The following USP20 variants were observed in gnomAD, a reference collection of about 807,000 sequenced individuals.
USP20 encodes ubiquitin specific peptidase 20.
USP20 carries 80 observed loss-of-function variants against 124.2 expected under a neutral mutation model. The ratio of observed to expected loss-of-function variants is 0.64; its 90% CI spans 0.54 to 0.78. The LOEUF is 0.78. USP20 is among the 30% of genes least tolerant of loss of function. The pLI is 0.00. For synonymous variants in USP20, 481 were observed against 512.3 expected, an observed-to-expected ratio of 0.94 and a Z score of 0.83; for missense variants, 1,043 against 1,244.4, an observed-to-expected ratio of 0.84 and a Z score of 2.44.
chr9:129,850,773 A>G (rs552758117), intron 2 of USP20, among the ~76,000 whole-genome samples: 1 of 152,224 alleles, frequency 6.6e-6, no homozygotes, highest in East Asian at 1.9e-4. Flanking sequence ...CTCCTGCCTC[A>G]GCCTCCTGAG....
chr9:129,871,490 G>A (rs1041298883), intron 15 of USP20, among the ~76,000 whole-genome samples: 1 of 152,146 alleles, frequency 6.6e-6, no homozygotes, highest in Non-Finnish European at 1.5e-5. Flanking sequence ...GACCATGGGT[G>A]TGCACACCTC....
At chr9:129,854,904 G>C (rs1490438780) in intron 3 of USP20, among the ~76,000 whole-genome samples, 1 of 152,160 alleles carries the variant, frequency 6.6e-6, no homozygotes, top group Non-Finnish European at 1.5e-5. Flanking sequence ...GTGACAATGA[G>C]AAGGAGGCCA....
chr9:129,873,409 A>T, intron 15 of USP20, 73 bp from the exon 16 acceptor site: 1 of 1,573,392 alleles, frequency 6.4e-7, no homozygotes, highest in South Asian at 1.1e-5. Context: ...AGCAGAAATC[A>T]TTATAGTCAC....
chr9:129,850,934 A>G (rs1321001740), intron 2 of USP20, among the ~76,000 whole-genome samples: 1 of 152,072 alleles, frequency 6.6e-6, no homozygotes, highest in African/African-American at 2.4e-5. Context: ...GATTACAGGC[A>G]TGAGCCACCG....
rs2033346961 is a variant in USP20 at position 129,858,604 on chromosome 9, C to T, written c.330+6C>T. The T allele has an allele frequency of 2.5e-6, 4 of 1,613,088 alleles. No homozygotes were observed. Among genetic ancestry groups the T allele is most frequent in the Non-Finnish European group, 3.4e-6 (4 of 1,179,648 alleles). On this transcript the variant is annotated splice_donor_region_variant and intron_variant, in intron 6 of 25. Transcript: ENST00000372429. ...CTTCCAAGTTCTCTGAACAGGTAAC[C>T]TGTGTGGTGGGCTCTGTTTGGTTGT... is the stretch of plus-strand genomic sequence containing the variant.
intron 4 of USP20, among the ~76,000 whole-genome samples, chr9:129,856,726 A>G (rs879949574): frequency 6.6e-6 from 1 of 152,074 alleles, no homozygotes; most frequent in Non-Finnish European, 1.5e-5. Context: ...GGCCAGTCTC[A>G]TTTTTTCCCT....
Position 129,869,757 on chromosome 9 carries a change from A to C in USP20, c.1478A>C (p.Tyr493Ser). ...EDLAKLHSAIYQNVPAKPGAC... is the reference protein window; with the variant it reads ...EDLAKLHSAISQNVPAKPGAC... ...CTGGCCAAGCTCCATTCAGCCATCT[A>C]CCAGAATGTGCCGGCCAAGCCAGGC... The change falls in exon 14 of 26, where the codon TAC (tyrosine) becomes TCC (serine). Residue 493 changes from tyrosine to serine, a missense_variant. Coordinates refer to ENST00000372429, the MANE Select transcript of USP20 (RefSeq NM_001110303.4). 1 of 1,614,046 alleles carries C rather than the reference A, an allele frequency of 6.2e-7. No individual in the cohort carries two copies. The highest frequency in any genetic ancestry group is 8.5e-7 in the Non-Finnish European group (1 of 1,180,024).
intron 2 of USP20, among the ~76,000 whole-genome samples, chr9:129,851,215 T>G (rs1377957841): frequency 1.3e-5 from 2 of 152,120 alleles, no homozygotes; most frequent in Admixed American, 6.5e-5. Context: ...TAAGGTCCTT[T>G]GTACCTTCAC....
chr9:129,841,116 T>A (rs924866397), intron 1 of USP20, among the ~76,000 whole-genome samples: 5 of 152,208 alleles, frequency 3.3e-5, no homozygotes, highest in Admixed American at 3.3e-4. Context: ...TTCCCAGACC[T>A]GCCATAACAA....
Position 129,869,367 on chromosome 9 carries a change from T to C in USP20, c.1334T>C (p.Ile445Thr). 1 of 1,613,690 alleles carries C rather than the reference T, an allele frequency of 6.2e-7. No individual in the cohort carries two copies. The highest frequency in any genetic ancestry group is 8.5e-7 in the Non-Finnish European group (1 of 1,179,986). ...AAGGAGCAGCGCTACCGCAGCGTCA[T>C]CTCAGACATCTTTGACGGCTCCATT... ...RRKEQRYRSV[I>T]SDIFDGSILS... The change falls in exon 13 of 26, where the codon ATC (isoleucine) becomes ACC (threonine). Residue 445 changes from isoleucine to threonine, a missense_variant. Physicochemically the swap from Ile to Thr is moderately conservative, Grantham distance 89. Coordinates refer to ENST00000372429, the MANE Select transcript of USP20 (RefSeq NM_001110303.4).
rs779181346 is a variant in USP20 at position 129,861,021 on chromosome 9, C to T, written c.415C>T (p.Leu139=). ...EGESESEDDD[L]KPRGLTGMKN... is the part of the protein sequence containing the mutation. The stretch of plus-strand genomic sequence containing the variant: ...AGAGTCTGAGTCAGAGGACGATGAC[C>T]TGAAACCTCGAGGTAATGGCCCCCA... Residue 139 remains leucine, a synonymous_variant, in exon 7 of 26, where the codon CTG becomes TTG. Transcript: ENST00000372429. The T allele has an allele frequency of 1.9e-6, 3 of 1,614,124 alleles. No homozygotes were observed. In the South Asian group the frequency reaches 3.3e-5, roughly 18 times the overall value.
chr9:129,861,566 G>A lies in USP20; in HGVS notation c.451G>A (p.Gly151Arg), dbSNP rs766385153. The change falls in exon 8 of 26, where the codon GGG becomes AGG. Residue 151 changes from glycine to arginine, a missense_variant. Physicochemically the swap from Gly to Arg is moderately radical, Grantham distance 125 (BLOSUM62 -2). Transcript: ENST00000372429. The part of the protein sequence containing the change: ...PRGLTGMKNL[G>R]NSCYMNAALQ... ...AGGCCTCACGGGCATGAAGAACCTC[G>A]GGAACTCCTGCTACATGAACGCTGC... is the stretch of plus-strand genomic sequence containing the variant. The A allele has an allele frequency of 1.6e-5, 26 of 1,614,082 alleles. No individual in the cohort carries two copies. The highest frequency in any genetic ancestry group is 6.6e-5 in the South Asian group (6 of 91,078).
intron 13 of USP20, 108 bp downstream of exon 13, chr9:129,869,533 A>T: frequency 1.3e-6 from 2 of 1,530,284 alleles, no homozygotes; most frequent in Non-Finnish European, 9.0e-7. Context: ...CCCTGCTTTT[A>T]TCCAGGGGAG....
Position 129,875,398 on chromosome 9 carries a change from T to A in USP20, c.2137T>A (p.Ser713Thr). 1.9e-6 allele frequency: 3 copies of A among 1,613,568 alleles called. No homozygotes were observed. The highest frequency in any genetic ancestry group is 2.5e-6 in the Non-Finnish European group (3 of 1,179,958). The change falls in exon 20 of 26, where the codon TCC becomes ACC. Residue 713 changes from serine to threonine, a missense_variant. By Grantham distance (58) the Ser-to-Thr change is moderately conservative. Coordinates refer to ENST00000372429, the MANE Select transcript of USP20 (RefSeq NM_001110303.4). ...REPSLLRFYV[S>T]REWLNKFNTF... The stretch of plus-strand genomic sequence containing the variant: ...GCCCAGCCTGCTGCGGTTCTACGTG[T>A]CCCGCGAGTGGCTCAACAAGTTCAA...
intron 2 of USP20, 71 bp downstream of exon 2, chr9:129,849,995 A>G (rs2032813878): frequency 6.6e-6 from 1 of 151,754 alleles, no homozygotes; most frequent in Non-Finnish European, 1.5e-5. Context: ...TTCTCTTTAG[A>G]TGAAAGAATG....
chr9:129,875,414 AC>A lies in USP20; in HGVS notation c.2154del (p.Asn718LysfsTer57). 6.2e-7 allele frequency: 1 copy of A among 1,613,734 alleles called. No individual in the cohort carries two copies. Among genetic ancestry groups the A allele is most frequent in the Non-Finnish European group, 8.5e-7 (1 of 1,179,958 alleles). ...TTCTACGTGTCCCGCGAGTGGCTCAACAAGTTCAACACCTTCGCGGAGCCAG... is the reference window on the plus strand; with the variant it reads ...TTCTACGTGTCCCGCGAGTGGCTCAAAAGTTCAACACCTTCGCGGAGCCAG... The part of the protein sequence containing the change: ...LRFYVSREWL[N>X]KFNTFAEPGP... On this transcript the variant is annotated frameshift_variant, in exon 20 of 26. Coordinates refer to ENST00000372429, the MANE Select transcript of USP20 (RefSeq NM_001110303.4). LOFTEE classifies it high-confidence loss of function.
At chr9:129,875,840 C>T (rs1244621614) in intron 21 of USP20, among the ~76,000 whole-genome samples, 199 bp downstream of exon 21, 3 of 14,438 alleles carry the variant, frequency 2.1e-4, no homozygotes, top group Non-Finnish European at 3.9e-4. Flanking sequence ...ATCCTTCCAG[C>T]GGCAAGGGAC....
intron 1 of USP20, among the ~76,000 whole-genome samples, chr9:129,846,409 C>A (rs1270083109): frequency 6.7e-6 from 1 of 150,280 alleles, no homozygotes; most frequent in Admixed American, 6.6e-5. Context: ...GTGCGTGCAC[C>A]ACCATGCCCA....
rs1470130026 is a variant in USP20, at chr9:129,848,141, A to G, written c.-128-1672A>G. ...GAGAAACTCCATCTCTACTAAAAATATAAAATTAGCTGGGCATGGTGGCGC... is the reference window on the plus strand; with the variant it reads ...GAGAAACTCCATCTCTACTAAAAATGTAAAATTAGCTGGGCATGGTGGCGC... On this transcript the variant is annotated intron_variant, in intron 1 of 25. Coordinates refer to ENST00000372429, the MANE Select transcript of USP20 (RefSeq NM_001110303.4). Among the ~76,000 whole-genome samples, 3 of 152,160 alleles carry G rather than the reference A, an allele frequency of 2.0e-5. No individual in the cohort carries two copies. In the East Asian group the frequency reaches 5.8e-4, roughly 29 times the overall value.
Sources: gnomAD v4.1 joint callset for allele counts (sites outside exome capture counted in the v4.1 genomes callset) on GRCh38, gnomAD v4.1.1 for gene constraint, MANE v1.5 for transcripts, NCBI Gene and HGNC (gene_info 2026-07-23, HGNC 2026-07-21) for gene names.